The following PDGFB variants were observed in gnomAD, a reference collection of about 807,000 sequenced individuals.
PDGFB encodes the protein platelet-derived growth factor subunit B.
A neutral mutation model predicts 29.0 loss-of-function variants in PDGFB; 6 were observed. The observed-to-expected ratio is 0.21, with a 90% CI of 0.11 to 0.41. The LOEUF is 0.41. Among genes scored for constraint, PDGFB ranks in the 10% least tolerant of loss-of-function variants. PDGFB has a pLI of 1.00. For synonymous variants in PDGFB, 144 were observed against 140.8 expected (o/e 1.02, Z -0.16); for missense variants, 299 against 341.8 (o/e 0.87, Z 0.99).
rs772523555 is a variant in PDGFB, at chr22:39,231,871, G to C, written c.251-44C>G. On this transcript the variant is annotated intron_variant, in intron 3 of 6. Transcript: ENST00000331163. The surrounding 1 kb of genome is among the most constrained non-coding windows in gnomAD (Gnocchi z 4.3). ...TGGGTCAGGAGCGTAGGCCTGTCCA[G>C]AGTCCCCCCACTTGGCAGGGGAGCT... 4 of 1,554,944 alleles carry C rather than the reference G, an allele frequency of 2.6e-6. No individual in the cohort carries two copies. Among genetic ancestry groups the C allele is most frequent in the Admixed American group, 3.5e-5 (2 of 57,508 alleles).
At chr22:39,241,551 C>G in intron 1 of PDGFB, among the ~76,000 whole-genome samples, 1 of 152,252 alleles carries the variant, frequency 6.6e-6, no homozygotes, top group Non-Finnish European at 1.5e-5. Context: ...TGTGCCACAG[C>G]CTCCACCCCA....
intron 3 of PDGFB, among the ~76,000 whole-genome samples, chr22:39,232,321 A>G (rs182406834): frequency 2.6e-5 from 4 of 152,298 alleles, no homozygotes; most frequent in Admixed American, 2.0e-4. Context: ...AAATGGGATA[A>G]TAACAGCACC....
In PDGFB at chr22:39,223,685, T is replaced by G. The variant is rs949947817; in HGVS notation, c.*1657A>C. 1 of 152,772 alleles carries G rather than the reference T, an allele frequency of 6.5e-6. No homozygotes were observed. Among genetic ancestry groups the G allele is most frequent in the Non-Finnish European group, 1.5e-5 (1 of 68,038 alleles). The allele number at this position is 152,772 out of a possible 1,614,324, so 9.5% of individuals were successfully genotyped here. On this transcript the variant is annotated 3_prime_UTR_variant, in exon 7 of 7. Coordinates refer to ENST00000331163, the MANE Select transcript of PDGFB (RefSeq NM_002608.4). ...ACAGACAGACCTCCGGCGGATTCAT[T>G]TGGTTTTGTTTTGTGGTTATTTTTT...
rs549059250 is a variant in PDGFB, at chr22:39,224,760, A to G, written c.*582T>C. The G allele has an allele frequency of 3.3e-5, 5 of 152,438 alleles. No homozygotes were observed. The highest frequency in any genetic ancestry group is 1.2e-4 in the African/African-American group (5 of 41,556). The allele number at this position is 152,438 out of a possible 1,614,324, so 9.4% of individuals were successfully genotyped here. A position where few individuals can be genotyped will look rare whatever the true frequency, so the allele number is the denominator to read the frequency against. ...TTCAAAACGAAAACGAAAAGAAGCC[A>G]CTGTGCACAGAGGCACCAGGGAGAC... is the stretch of plus-strand genomic sequence containing the variant. On this transcript the variant is annotated 3_prime_UTR_variant, in exon 7 of 7. Transcript: ENST00000331163.
At chr22:39,226,972 T>G (rs1175360974) in intron 5 of PDGFB, among the ~76,000 whole-genome samples, 1 of 152,240 alleles carries the variant, frequency 6.6e-6, no homozygotes, top group Admixed American at 6.5e-5. Context: ...TATTTATTTG[T>G]TTTTAAGATG....
At chr22:39,232,253 C>T (rs867747508) in intron 3 of PDGFB, among the ~76,000 whole-genome samples, 10 of 152,374 alleles carry the variant, frequency 6.6e-5, no homozygotes, top group South Asian at 2.1e-4. Context: ...TGCTGTCTCA[C>T]GGTGCCTTGG....
In PDGFB at chr22:39,231,787, G is replaced by A; in HGVS notation, c.291C>T (p.Cys97=). The A allele has an allele frequency of 6.2e-7, 1 of 1,613,748 alleles. No homozygotes were observed. Among genetic ancestry groups the A allele is most frequent in the Non-Finnish European group, 8.5e-7 (1 of 1,179,948 alleles). Residue 97 remains cysteine (C), a synonymous_variant, in exon 4 of 7, where the codon TGC becomes TGT. Coordinates refer to ENST00000331163, the MANE Select transcript of PDGFB (RefSeq NM_002608.4). The surrounding 1 kb of genome is among the most constrained non-coding windows in gnomAD (Gnocchi z 4.3). The part of the protein sequence containing the change: ...TIAEPAMIAE[C]KTRTEVFEIS... ...TCTCGAACACCTCGGTGCGCGTCTT[G>A]CACTCGGCGATCATGGCCGGCTCAG...
At chr22:39,241,403 C>A (rs1390146622) in intron 1 of PDGFB, among the ~76,000 whole-genome samples, 2 of 152,248 alleles carry the variant, frequency 1.3e-5, no homozygotes, top group East Asian at 1.9e-4. Context: ...CCATGCAGGT[C>A]CCCTCCCCCA....
At chr22:39,229,521 T>A (rs146952138) in intron 5 of PDGFB, among the ~76,000 whole-genome samples, 1 of 152,298 alleles carries the variant, frequency 6.6e-6, no homozygotes, top group East Asian at 1.9e-4. Flanking sequence ...TCGTTTGATT[T>A]CTCATCCCCA....
chr22:39,234,616 C>T (rs952805900), intron 2 of PDGFB, among the ~76,000 whole-genome samples: 6 of 152,372 alleles, frequency 3.9e-5, no homozygotes, highest in South Asian at 4.1e-4. Context: ...ACAGCCCCTA[C>T]GTCAACGAGC....
chr22:39,228,993 TG>T (rs1455214412), intron 5 of PDGFB, among the ~76,000 whole-genome samples: 1 of 151,934 alleles, frequency 6.6e-6, no homozygotes, highest in Non-Finnish European at 1.5e-5. Flanking sequence ...AGCTGTCATA[TG>T]ATCAGCCTTT....
chr22:39,225,879 T>A, intron 5 of PDGFB, 32 bp from the exon 6 acceptor site: 1 of 1,597,360 alleles, frequency 6.3e-7, no homozygotes, highest in Non-Finnish European at 8.6e-7. Flanking sequence ...CTCGTCAGCA[T>A]GTGGACCATT....
In PDGFB at chr22:39,244,592, GGCGGCGGGCACGGCTGCTCCGCGCGC is replaced by G. The variant is rs1472932410; in HGVS notation, c.-655_-630del. ...CGTGTGCGCCCTGGCGCGGGGCCCG[GGCGGCGGGCACGGCTGCTCCGCGCGC>G]GCGGCGTGCCCGCTGCGCGCTCGGC... is the stretch of plus-strand genomic sequence containing the variant. On this transcript the variant is annotated 5_prime_UTR_variant, in exon 1 of 7. Transcript: ENST00000331163. The surrounding 1 kb of genome is among the most constrained non-coding windows in gnomAD (Gnocchi z 4.5). The G allele has an allele frequency of 6.6e-6, 1 of 151,106 alleles. No individual in the cohort carries two copies. Among genetic ancestry groups the G allele is most frequent in the African/African-American group, 2.4e-5 (1 of 41,030 alleles). 9.4% of individuals were successfully genotyped at this position (151,106 alleles called of 1,614,324 possible).
chr22:39,242,262 A>C lies in PDGFB; in HGVS notation c.63+1639T>G, dbSNP rs985579531. On this transcript the variant is annotated intron_variant, in intron 1 of 6. Coordinates refer to ENST00000331163, the MANE Select transcript of PDGFB (RefSeq NM_002608.4). This position sits in a 1 kb window ranked among gnomAD's most constrained non-coding sequence, Gnocchi z 5.7. ...TCTGCGCGCCCGCCCGCCGGAGCGC[A>C]GCATCGCCTCCGGCCAGGAGTGTGC... is the stretch of plus-strand genomic sequence containing the variant. 1 of 202,152 alleles carries C rather than the reference A, an allele frequency of 4.9e-6. No homozygotes were observed. Among genetic ancestry groups the C allele is most frequent in the African/African-American group, 2.3e-5 (1 of 43,524 alleles). 12.5% of individuals were successfully genotyped at this position (202,152 alleles called of 1,614,324 possible).
rs150247098 is a variant in PDGFB at position 39,228,913 on chromosome 22, T to G, written c.601+1171A>C. 6.2e-4 allele frequency among the ~76,000 whole-genome samples: 92 copies of G among 147,872 alleles called. 1 individual carries two copies. Among genetic ancestry groups the G allele is most frequent in the Non-Finnish European group, 1.0e-3 (67 of 66,662 alleles). On this transcript the variant is annotated intron_variant, in intron 5 of 6. Coordinates refer to ENST00000331163, the MANE Select transcript of PDGFB (RefSeq NM_002608.4). ...AAAAAAATATATATATATATAGATA[T>G]ATATAATTTTCCCTTAATAGAGAAA...
rs142404523 is a variant in PDGFB, at chr22:39,244,739, A to G, written c.-776T>C. ...CGTCCTCTGCGGGCTGCGGGCTGCGAGCTGCGAGCTGCGAGCTGCGGCTGC... is the reference window on the plus strand; with the variant it reads ...CGTCCTCTGCGGGCTGCGGGCTGCGGGCTGCGAGCTGCGAGCTGCGGCTGC... On this transcript the variant is annotated 5_prime_UTR_variant, in exon 1 of 7. Coordinates refer to ENST00000331163, the MANE Select transcript of PDGFB (RefSeq NM_002608.4). This position sits in a 1 kb window ranked among gnomAD's most constrained non-coding sequence, Gnocchi z 4.5. 1.4e-5 allele frequency: 2 copies of G among 145,248 alleles called. No individual in the cohort carries two copies. Among genetic ancestry groups the G allele is most frequent in the East Asian group, 8.3e-5 (1 of 12,094 alleles). 9.0% of individuals were successfully genotyped at this position (145,248 alleles called of 1,614,324 possible). A position where few individuals can be genotyped will look rare whatever the true frequency, so the allele number is the denominator to read the frequency against.
chr22:39,243,990 G>GC lies in PDGFB; in HGVS notation c.-28dup. 7.6e-7 allele frequency: 1 copy of GC among 1,317,852 alleles called. No individual in the cohort carries two copies. The highest frequency in any genetic ancestry group is 1.2e-5 in the South Asian group (1 of 81,984). 81.6% of individuals were successfully genotyped at this position (1,317,852 alleles called of 1,614,324 possible). On this transcript the variant is annotated 5_prime_UTR_variant, in exon 1 of 7. Coordinates refer to ENST00000331163, the MANE Select transcript of PDGFB (RefSeq NM_002608.4). The surrounding 1 kb of genome is among the most constrained non-coding windows in gnomAD (Gnocchi z 6.4). ...CCGACTCCGGGCCCGGCCCCGCGGG[G>GC]CCCCGGACGCGTAGATCGAGCGCGC... is the stretch of plus-strand genomic sequence containing the variant.
In PDGFB at chr22:39,243,678, CA is replaced by C. The variant is rs1932624638; in HGVS notation, c.63+222del. On this transcript the variant is annotated intron_variant, in intron 1 of 6. Coordinates refer to ENST00000331163, the MANE Select transcript of PDGFB (RefSeq NM_002608.4). The surrounding 1 kb of genome is among the most constrained non-coding windows in gnomAD (Gnocchi z 6.4). Reference sequence around the variant, plus strand: ...CCCGACACGGAACGGCTTAGGGAGCCAGATTCGCCCGCCGGTTGGAAAGAAA... The same window carrying C: ...CCCGACACGGAACGGCTTAGGGAGCCGATTCGCCCGCCGGTTGGAAAGAAA... Among the ~76,000 whole-genome samples the C allele has an allele frequency of 4.6e-5, 7 of 152,178 alleles. No individual in the cohort carries two copies. The highest frequency in any genetic ancestry group is 4.6e-4 in the Admixed American group (7 of 15,290).
chr22:39,229,878 A>G (rs1932254641), intron 5 of PDGFB, among the ~76,000 whole-genome samples: 1 of 152,158 alleles, frequency 6.6e-6, no homozygotes, highest in Non-Finnish European at 1.5e-5. Context: ...GTTGGCAGAG[A>G]CCAGAGAGCC....
Sources: allele counts gnomAD v4.1 joint callset (sites outside exome capture counted in the v4.1 genomes callset), GRCh38; gene constraint gnomAD v4.1.1; non-coding constraint Gnocchi (gnomAD v3.1); transcripts MANE v1.5; gene names NCBI Gene and HGNC (gene_info 2026-07-23, HGNC 2026-07-21).